Variants in EP300 observed in about 807,000 individuals in gnomAD.
EP300 encodes histone acetyltransferase p300.
Under a neutral mutation model 264.0 loss-of-function variants are expected in EP300, and 31 were observed. The observed-to-expected ratio is 0.12, with a 90% CI of 0.09 to 0.16. The LOEUF is 0.16. Among genes scored for constraint, EP300 ranks in the 10% least tolerant of loss-of-function variants. The pLI is 1.00. For synonymous variants in EP300, 1,340 were observed against 1,045.4 expected, an observed-to-expected ratio of 1.28 and a Z score of -5.44; for missense variants, 2,766 against 3,052.9, an observed-to-expected ratio of 0.91 and a Z score of 2.21.
At chr22:41,160,574 CGTTGCTTGGCTTG>C in intron 19 of EP300, 55 bp from the exon 20 acceptor site, 1 of 1,510,374 alleles carries the variant, frequency 6.6e-7, no homozygotes, top group South Asian at 1.1e-5. Context: ...TTGGTGGCTT[CGTTGCTTGGCTTG>C]GGCTGTGTTG....
At chr22:41,107,559 A>G (rs914973090) in intron 1 of EP300, among the ~76,000 whole-genome samples, 2 of 152,160 alleles carry the variant, frequency 1.3e-5, no homozygotes, top group African/African-American at 4.8e-5. Flanking sequence ...TGTTCATAGT[A>G]CAGTGTTTGG....
chr22:41,099,522 C>G (rs1486505505), intron 1 of EP300, among the ~76,000 whole-genome samples: 1 of 152,222 alleles, frequency 6.6e-6, no homozygotes, highest in African/African-American at 2.4e-5. Context: ...ACTTGTCATG[C>G]ACTGTGGCTG....
At position 41,157,321 on chromosome 22, in the gene EP300, A is replaced by G. The variant is rs912635820; in HGVS notation, c.3414A>G (p.Val1138=). 1.2e-6 allele frequency: 2 copies of G among 1,614,160 alleles called. No homozygotes were observed. The highest frequency in any genetic ancestry group is 4.5e-5 in the East Asian group (2 of 44,882). The part of the protein sequence containing the change: ...AWLYNRKTSR[V]YKYCSKLSEV... Reference sequence around the variant, plus strand: ...TATATAACCGGAAAACATCACGGGTATACAAATACTGCTCCAAGCTCTCTG... The same window carrying G: ...TATATAACCGGAAAACATCACGGGTGTACAAATACTGCTCCAAGCTCTCTG... The change falls in exon 18 of 31, where the codon GTA becomes GTG. Residue 1138 remains valine, a synonymous_variant. Coordinates refer to ENST00000263253, the MANE Select transcript of EP300 (RefSeq NM_001429.4).
At position 41,126,101 on chromosome 22, in the gene EP300, T is replaced by TA; in HGVS notation, c.906+64dup. 3.9e-6 allele frequency: 6 copies of TA among 1,551,292 alleles called. No individual in the cohort carries two copies. The South Asian group carries it at 6.7e-5, about 17-fold the overall frequency. On this transcript the variant is annotated intron_variant, in intron 3 of 30. Transcript: ENST00000263253. ...TGGCATTTTGACAAAAGAATTGTGT[T>TA]AAACTTTCACCCTTCTGTTATATAT... is the stretch of plus-strand genomic sequence containing the variant.
In EP300 at chr22:41,169,497, G is replaced by A. The variant is rs753407510; in HGVS notation, c.4173-6G>A. Reference sequence around the variant, plus strand: ...TTTCCTCTTCATTTCTCTTCATTTTGTATAGGAGAGTATACATATCTTACC... The same window carrying A: ...TTTCCTCTTCATTTCTCTTCATTTTATATAGGAGAGTATACATATCTTACC... On this transcript the variant is annotated splice_region_variant and splice_polypyrimidine_tract_variant and intron_variant, in intron 25 of 30. Coordinates refer to ENST00000263253, the MANE Select transcript of EP300 (RefSeq NM_001429.4). 6.4e-7 allele frequency: 1 copy of A among 1,568,340 alleles called. No homozygotes were observed. The highest frequency in any genetic ancestry group is 8.8e-7 in the Non-Finnish European group (1 of 1,141,728).
chr22:41,139,810 G>A (rs921972464), intron 8 of EP300, among the ~76,000 whole-genome samples: 3 of 152,124 alleles, frequency 2.0e-5, no homozygotes, highest in African/African-American at 7.2e-5. Context: ...ATTTAGAAGA[G>A]CAGATGGAAC....
chr22:41,093,275 C>T (rs1368788609), intron 1 of EP300, among the ~76,000 whole-genome samples, 177 bp downstream of exon 1: 1 of 152,136 alleles, frequency 6.6e-6, no homozygotes, highest in African/African-American at 2.4e-5. Context: ...TTTTCTTTGC[C>T]TCCTAATACA....
At position 41,149,965 on chromosome 22, in the gene EP300, C is replaced by G; in HGVS notation, c.2584C>G (p.Pro862Ala). The G allele has an allele frequency of 1.2e-6, 2 of 1,614,020 alleles. No homozygotes were observed. Among genetic ancestry groups the G allele is most frequent in the African/African-American group, 1.3e-5 (1 of 74,976 alleles). ...GCCACCAGCAACAACAATTCCAGCC[C>G]CTGTTCCTACACCTCCTGCCATGCC... ...QQPPATTIPA[P>A]VPTPPAMPPG... Residue 862 changes from proline (P) to alanine (A), a missense_variant, in exon 14 of 31, where the codon CCT becomes GCT. Coordinates refer to ENST00000263253, the MANE Select transcript of EP300 (RefSeq NM_001429.4).
Position 41,127,933 on chromosome 22 carries a change from A to G in EP300, c.1168+185A>G, listed in dbSNP as rs738632. On this transcript the variant is annotated intron_variant, in intron 4 of 30. Coordinates refer to ENST00000263253, the MANE Select transcript of EP300 (RefSeq NM_001429.4). ...CCAGGTGTGGTGTCTCACACTTACAATCCCAGCACTTTGGTAGGCCAAATG... is the reference window on the plus strand; with the variant it reads ...CCAGGTGTGGTGTCTCACACTTACAGTCCCAGCACTTTGGTAGGCCAAATG... Among the ~76,000 whole-genome samples the G allele has an allele frequency of 0.52, 79,411 of 152,106 alleles. 23,405 individuals carry two copies. Among genetic ancestry groups the G allele is most frequent in the Admixed American group, 0.72 (10,976 of 15,278 alleles).
chr22:41,109,043 G>GGT, intron 1 of EP300, among the ~76,000 whole-genome samples: 1 of 152,152 alleles, frequency 6.6e-6, no homozygotes, highest in Non-Finnish European at 1.5e-5. Context: ...GGGAGGCCAA[G>GGT]GTGGGAGGCT....
intron 21 of EP300, 71 bp from the exon 22 acceptor site, chr22:41,163,982 A>C (rs1348939111): frequency 1.4e-6 from 2 of 1,383,478 alleles, no homozygotes; most frequent in Non-Finnish European, 2.1e-6. Flanking sequence ...GTCAGAAGTC[A>C]TGGGAAATAT....
chr22:41,129,763 A>G, intron 4 of EP300, 127 bp from the exon 5 acceptor site: 2 of 729,402 alleles, frequency 2.7e-6, no homozygotes, highest in Non-Finnish European at 4.7e-6. Context: ...GAGCTACCTT[A>G]TAGGGCTGTT....
chr22:41,147,879 T>C lies in EP300; in HGVS notation c.2174T>C (p.Ile725Thr), dbSNP rs375822328. The C allele has an allele frequency of 4.5e-5, 73 of 1,614,046 alleles. No homozygotes were observed. The highest frequency in any genetic ancestry group is 6.2e-5 in the Non-Finnish European group (73 of 1,180,020). ...FGQMSMAQPP[I>T]VPRQTPPLQH... Reference sequence around the variant, plus strand: ...CAGATGAGCATGGCCCAGCCCCCTATTGTACCCCGGCAAACCCCTCCTCTT... The same window carrying C: ...CAGATGAGCATGGCCCAGCCCCCTACTGTACCCCGGCAAACCCCTCCTCTT... Residue 725 changes from isoleucine to threonine, a missense_variant, in exon 12 of 31, where the codon ATT (isoleucine) becomes ACT (threonine). Coordinates refer to ENST00000263253, the MANE Select transcript of EP300 (RefSeq NM_001429.4).
Position 41,152,360 on chromosome 22 carries a change from T to C in EP300, c.3142+10T>C, listed in dbSNP as rs1375121005. ...CAGTCAAAGAAAAAGAGTGAGTCTC[T>C]GAAGCCATTCGTTCTGGAGGTAGCT... On this transcript the variant is annotated intron_variant, in intron 16 of 30. Coordinates refer to ENST00000263253, the MANE Select transcript of EP300 (RefSeq NM_001429.4). 1.2e-6 allele frequency: 2 copies of C among 1,611,216 alleles called. No individual in the cohort carries two copies. The highest frequency in any genetic ancestry group is 2.2e-5 in the East Asian group (1 of 44,874).
intron 17 of EP300, 126 bp downstream of exon 17, chr22:41,155,239 TC>T (rs938667357): frequency 2.1e-5 from 17 of 818,616 alleles, no homozygotes; most frequent in East Asian, 1.3e-4. Context: ...TTTTTTTTTT[TC>T]CCCCTGAGAC....
chr22:41,164,376 G>A (rs1467898208), intron 22 of EP300, among the ~76,000 whole-genome samples: 1 of 151,934 alleles, frequency 6.6e-6, no homozygotes, highest in Non-Finnish European at 1.5e-5. Context: ...TATTCTGCTG[G>A]ATTGTTTATT....
intron 1 of EP300, among the ~76,000 whole-genome samples, chr22:41,105,750 T>G (rs971183260): frequency 1.3e-5 from 2 of 152,166 alleles, no homozygotes; most frequent in African/African-American, 4.8e-5. Flanking sequence ...AAAGTATAAG[T>G]ATACCTTTTG....
rs1284943757 is a variant in EP300, at chr22:41,117,584, A to T, written c.492A>T (p.Gly164=). The part of the protein sequence containing the change: ...MNSPVNQPAM[G]MNTGMNAGMN... Reference sequence around the variant, plus strand: ...GTCCAGTAAATCAGCCTGCCATGGGAATGAACACAGGGATGAATGCGGGCA... The same window carrying T: ...GTCCAGTAAATCAGCCTGCCATGGGTATGAACACAGGGATGAATGCGGGCA... The change falls in exon 2 of 31, where the codon GGA becomes GGT. Residue 164 remains glycine (G), a synonymous_variant. Coordinates refer to ENST00000263253, the MANE Select transcript of EP300 (RefSeq NM_001429.4). 6.2e-7 allele frequency: 1 copy of T among 1,614,240 alleles called. No homozygotes were observed. Among genetic ancestry groups the T allele is most frequent in the Admixed American group, 1.7e-5 (1 of 60,026 alleles).
chr22:41,124,834 G>T (rs56298573), intron 2 of EP300, among the ~76,000 whole-genome samples: 1 of 151,432 alleles, frequency 6.6e-6, no homozygotes, highest in African/African-American at 2.5e-5. Context: ...AAATATTTAT[G>T]AAAATAACTC....
Sources: gnomAD v4.1 joint callset for allele counts (sites outside exome capture counted in the v4.1 genomes callset) on GRCh38, gnomAD v4.1.1 for gene constraint, MANE v1.5 for transcripts, NCBI Gene and HGNC (gene_info 2026-07-23, HGNC 2026-07-21) for gene names.